The following CDH13 variants were observed in gnomAD, a reference collection of about 807,000 sequenced individuals.
CDH13 encodes the protein cadherin-13.
A neutral mutation model predicts 63.8 loss-of-function variants in CDH13; 24 were observed. That is an observed-to-expected ratio of 0.38 (90% CI 0.27 to 0.53). The LOEUF (loss-of-function observed/expected upper bound fraction) is 0.53. Among genes scored for constraint, CDH13 ranks in the 20% least tolerant of loss-of-function variants. The pLI, the probability that CDH13 is intolerant of heterozygous loss-of-function variation, is 0.85. For missense variants in CDH13, 1,049 were observed against 903.1 expected (o/e 1.16, Z -2.07); for synonymous variants, 503 against 355.3 (o/e 1.42, Z -4.67).
intron 1 of CDH13, among the ~76,000 whole-genome samples, chr16:82,665,902 C>T (rs1567605228): frequency 1.3e-5 from 2 of 152,040 alleles, no homozygotes; most frequent in Admixed American, 1.3e-4. Context: ...GAGTATTGTA[C>T]CACATATTTC....
chr16:83,311,715 A>G (rs2090004234), intron 5 of CDH13, among the ~76,000 whole-genome samples: 1 of 152,220 alleles, frequency 6.6e-6, no homozygotes, highest in African/African-American at 2.4e-5. Context: ...TATGATATCC[A>G]GAACGCTCTT....
chr16:83,363,689 C>T (rs1276033194), intron 6 of CDH13, among the ~76,000 whole-genome samples: 2 of 152,178 alleles, frequency 1.3e-5, no homozygotes, highest in African/African-American at 4.8e-5. Flanking sequence ...ACCAGAGAAT[C>T]TGTTATGAGC....
At chr16:82,727,067 G>C (rs1200420392) in intron 1 of CDH13, among the ~76,000 whole-genome samples, 1 of 152,156 alleles carries the variant, frequency 6.6e-6, no homozygotes, top group Admixed American at 6.5e-5. Context: ...ATTAGAAACT[G>C]TCATTTGGCA....
intron 7 of CDH13, among the ~76,000 whole-genome samples, chr16:83,488,816 G>T (rs1404107828): frequency 6.6e-6 from 1 of 151,982 alleles, no homozygotes; most frequent in Non-Finnish European, 1.5e-5. Flanking sequence ...GTAGAGATGG[G>T]GTTTCACTAT....
intron 2 of CDH13, among the ~76,000 whole-genome samples, chr16:82,921,076 T>A (rs1172430246): frequency 6.6e-6 from 1 of 152,230 alleles, no homozygotes; most frequent in East Asian, 1.9e-4. Context: ...ATACCTTTAA[T>A]AAAGCCTAGT....
intron 11 of CDH13, among the ~76,000 whole-genome samples, chr16:83,760,726 T>C (rs1002873497): frequency 6.6e-6 from 1 of 152,228 alleles, no homozygotes; most frequent in Non-Finnish European, 1.5e-5. Context: ...TTGTGAAAAT[T>C]CTTCAAACTG....
intron 4 of CDH13, among the ~76,000 whole-genome samples, chr16:83,132,811 G>A (rs530604250): frequency 6.6e-6 from 1 of 152,154 alleles, no homozygotes; most frequent in East Asian, 1.9e-4. Context: ...TTGGAATACA[G>A]AGTATCTAAG....
intron 3 of CDH13, among the ~76,000 whole-genome samples, chr16:83,104,148 G>A (rs2034648056): frequency 6.6e-6 from 1 of 152,176 alleles, no homozygotes; most frequent in African/African-American, 2.4e-5. Flanking sequence ...TTTTAAAGCT[G>A]TTGTTGTTTT....
chr16:83,760,121 T>C (rs1310555913), intron 11 of CDH13, among the ~76,000 whole-genome samples: 1 of 151,980 alleles, frequency 6.6e-6, no homozygotes, highest in South Asian at 2.1e-4. Flanking sequence ...CAAATATAAA[T>C]TAAAACACAA....
intron 2 of CDH13, among the ~76,000 whole-genome samples, chr16:82,963,440 C>T (rs1344863211): frequency 6.6e-6 from 1 of 152,082 alleles, no homozygotes; most frequent in Non-Finnish European, 1.5e-5. Flanking sequence ...TTTCTCAATA[C>T]CTCTTACATG....
In CDH13 at chr16:83,196,373, T is replaced by C. The variant is rs1461320243; in HGVS notation, c.484-20972T>C. On this transcript the variant is annotated intron_variant, in intron 4 of 13. Coordinates refer to ENST00000567109, the MANE Select transcript of CDH13 (RefSeq NM_001257.5). ...GGAAAAAATCTTAGGGATCTAAGGC[T>C]AGGCAGAGTTCTTATACTTGTCACA... 2.0e-5 allele frequency among the ~76,000 whole-genome samples: 3 copies of C among 152,204 alleles called. No homozygotes were observed. The East Asian group carries it at 5.8e-4, about 29-fold the overall frequency.
chr16:83,111,017 A>AAAAAT (rs2035031163), intron 3 of CDH13, among the ~76,000 whole-genome samples: 1 of 150,592 alleles, frequency 6.6e-6, no homozygotes. Flanking sequence ...AAAAAAAAAA[A>AAAAAT]AAAAATTAGC....
At chr16:82,989,011 T>C (rs1450492270) in intron 2 of CDH13, among the ~76,000 whole-genome samples, 2 of 152,192 alleles carry the variant, frequency 1.3e-5, no homozygotes, top group Non-Finnish European at 2.9e-5. Flanking sequence ...ATAAATAAAT[T>C]AACTTATTAA....
intron 4 of CDH13, among the ~76,000 whole-genome samples, chr16:83,212,450 G>C (rs1055492391): frequency 6.6e-6 from 1 of 152,150 alleles, no homozygotes; most frequent in African/African-American, 2.4e-5. Flanking sequence ...TCCTCGCCAA[G>C]CTTCCTCCAA....
At chr16:83,247,568 G>T (rs1010575391) in intron 5 of CDH13, among the ~76,000 whole-genome samples, 1 of 151,942 alleles carries the variant, frequency 6.6e-6, no homozygotes, top group African/African-American at 2.4e-5. Context: ...CCACCCTCAT[G>T]AAATCCTCTT....
intron 6 of CDH13, among the ~76,000 whole-genome samples, chr16:83,482,758 G>A (rs369091396): frequency 3.3e-5 from 5 of 152,060 alleles, no homozygotes; most frequent in African/African-American, 7.2e-5. Flanking sequence ...GTGTGTGCAC[G>A]TGTGTGTGTG....
intron 3 of CDH13, among the ~76,000 whole-genome samples, chr16:83,056,919 C>T (rs755847139): frequency 1.2e-4 from 18 of 152,124 alleles, no homozygotes; most frequent in Admixed American, 2.6e-4. Flanking sequence ...TGAGTCCTCC[C>T]CGGCTATGTG....
chr16:83,150,070 A>G (rs2036910901), intron 4 of CDH13, among the ~76,000 whole-genome samples: 1 of 152,072 alleles, frequency 6.6e-6, no homozygotes, highest in Non-Finnish European at 1.5e-5. Flanking sequence ...GCCTCTCTAG[A>G]TGAAGGTGAG....
chr16:82,992,419 A>G (rs1911759455), intron 2 of CDH13, among the ~76,000 whole-genome samples: 2 of 152,202 alleles, frequency 1.3e-5, no homozygotes, highest in Non-Finnish European at 2.9e-5. Context: ...AATATCTTTA[A>G]GCTAGAGTCT....
Sources: allele counts gnomAD v4.1 joint callset (sites outside exome capture counted in the v4.1 genomes callset), GRCh38; gene constraint gnomAD v4.1.1; transcripts MANE v1.5; gene names NCBI Gene and HGNC (gene_info 2026-07-23, HGNC 2026-07-21).